Variants in TEC observed in about 807,000 individuals in gnomAD.
TEC encodes the protein tyrosine-protein kinase Tec.
In TEC, 72 loss-of-function variants were observed where a neutral mutation model predicts 93.0. The observed-to-expected ratio is 0.77, with a 90% CI of 0.64 to 0.94. The LOEUF (loss-of-function observed/expected upper bound fraction) is 0.94. Ranked by LOEUF, TEC falls within the 40% of genes least tolerant of loss-of-function variation. The pLI is 0.00. For synonymous variants in TEC, 249 were observed against 247.7 expected, an observed-to-expected ratio of 1.01 and a Z score of -0.05; for missense variants, 630 against 757.9, an observed-to-expected ratio of 0.83 and a Z score of 1.98.
intron 6 of TEC, among the ~76,000 whole-genome samples, 156 bp downstream of exon 6, chr4:48,168,430 A>G (rs1425983966): frequency 6.6e-6 from 1 of 152,236 alleles, no homozygotes; most frequent in African/African-American, 2.4e-5. Context: ...AATTGAAATA[A>G]GCTACAGCAC....
chr4:48,156,731 C>A lies in TEC; in HGVS notation c.741G>T (p.Trp247Cys). The A allele has an allele frequency of 6.2e-7, 1 of 1,607,496 alleles. No homozygotes were observed. Among genetic ancestry groups the A allele is most frequent in the Non-Finnish European group, 8.5e-7 (1 of 1,177,908 alleles). ...TGCTTCTATTCATATTTCTGCAATA[C>A]CATCTGAACAGAAAAAACAATACAT... ...KKSNNLDQYEWYCRNMNRSKA... is the reference protein window; with the variant it reads ...KKSNNLDQYECYCRNMNRSKA... The change falls in exon 9 of 18, where the codon TGG becomes TGT. Residue 247 changes from tryptophan (W) to cysteine (C), a missense_variant. Coordinates refer to ENST00000381501, the MANE Select transcript of TEC (RefSeq NM_003215.3).
chr4:48,137,778 G>A (rs1482445443), intron 17 of TEC, among the ~76,000 whole-genome samples: 1 of 152,160 alleles, frequency 6.6e-6, no homozygotes, highest in African/African-American at 2.4e-5. Context: ...ATTTGTAGGA[G>A]CCTCTATAAT....
intron 2 of TEC, among the ~76,000 whole-genome samples, chr4:48,198,038 G>A (rs1317513687): frequency 1.3e-5 from 2 of 152,110 alleles, no homozygotes; most frequent in Non-Finnish European, 2.9e-5. Context: ...CATGCAACCC[G>A]GAGATGGAGG....
chr4:48,262,558 A>G (rs1373229142), intron 1 of TEC, among the ~76,000 whole-genome samples: 1 of 152,092 alleles, frequency 6.6e-6, no homozygotes, highest in South Asian at 2.1e-4. Context: ...CATTCAGTAT[A>G]TTAAGTACTT....
At chr4:48,231,384 T>G (rs761472495) in intron 1 of TEC, among the ~76,000 whole-genome samples, 1 of 152,248 alleles carries the variant, frequency 6.6e-6, no homozygotes, top group East Asian at 1.9e-4. Context: ...TAAGAAACTG[T>G]CAGAATGCAA....
intron 9 of TEC, among the ~76,000 whole-genome samples, chr4:48,155,579 G>A (rs976374200): frequency 6.6e-6 from 1 of 152,180 alleles, no homozygotes; most frequent in African/African-American, 2.4e-5. Flanking sequence ...TGCTGTTTCA[G>A]GTGATGTCAG....
chr4:48,186,674 C>T (rs7674657), intron 2 of TEC, among the ~76,000 whole-genome samples: 58,604 of 146,802 alleles, frequency 0.4, 11,216 homozygotes, highest in Middle Eastern at 0.49. Context: ...TCCCCGTCTG[C>T]GAAGTGAGGA....
intron 2 of TEC, among the ~76,000 whole-genome samples, chr4:48,209,287 G>A (rs1349194633): frequency 6.6e-6 from 1 of 152,036 alleles, no homozygotes; most frequent in Admixed American, 6.6e-5. Context: ...ATGTCTCTAT[G>A]TAACAGTCAG....
intron 1 of TEC, among the ~76,000 whole-genome samples, chr4:48,242,310 C>T (rs1372688585): frequency 6.6e-6 from 1 of 152,200 alleles, no homozygotes; most frequent in African/African-American, 2.4e-5. Context: ...ACACAAGCCA[C>T]ACAAAATAAA....
rs560120605 is a variant in TEC, at chr4:48,137,176, C to T, written c.*240G>A. 2.0e-6 allele frequency: 1 copy of T among 509,944 alleles called. No individual in the cohort carries two copies. The highest frequency in any genetic ancestry group is 3.5e-6 in the Non-Finnish European group (1 of 286,498). The allele number at this position is 509,944 out of a possible 1,614,324, so 31.6% of individuals were successfully genotyped here. ...TGGTAAACAACTGTCACTCAAGTGC[C>T]TGAGGAATGAATAGAAATGAGTGAT... On this transcript the variant is annotated 3_prime_UTR_variant, in exon 18 of 18. Coordinates refer to ENST00000381501, the MANE Select transcript of TEC (RefSeq NM_003215.3).
chr4:48,226,480 C>T (rs1397022465), intron 2 of TEC, among the ~76,000 whole-genome samples: 4 of 152,128 alleles, frequency 2.6e-5, no homozygotes, highest in African/African-American at 9.7e-5. Flanking sequence ...GCCTACTCAA[C>T]GTGAAGATGG....
intron 1 of TEC, among the ~76,000 whole-genome samples, chr4:48,258,211 G>A (rs1724395934): frequency 6.8e-6 from 1 of 147,042 alleles, no homozygotes; most frequent in African/African-American, 2.5e-5. Context: ...GCACAATCTC[G>A]GCTCACTGCA....
intron 11 of TEC, among the ~76,000 whole-genome samples, chr4:48,147,600 G>T (rs1454017710): frequency 6.6e-6 from 1 of 152,140 alleles, no homozygotes; most frequent in Non-Finnish European, 1.5e-5. Context: ...ATAAGTAGAT[G>T]AAGCATGACT....
chr4:48,225,458 T>G (rs1238431587), intron 2 of TEC, among the ~76,000 whole-genome samples: 1 of 152,210 alleles, frequency 6.6e-6, no homozygotes, highest in Non-Finnish European at 1.5e-5. Context: ...ATTACAGGCA[T>G]GAGCCACCAC....
In TEC at chr4:48,168,627, C is replaced by T; in HGVS notation, c.455-1G>A. 6.2e-7 allele frequency: 1 copy of T among 1,600,844 alleles called. No individual in the cohort carries two copies. Among genetic ancestry groups the T allele is most frequent in the Non-Finnish European group, 8.5e-7 (1 of 1,177,048 alleles). On this transcript the variant is annotated splice_acceptor_variant, in intron 5 of 17. Transcript: ENST00000381501. LOFTEE classifies it high-confidence loss of function. Reference sequence around the variant, plus strand: ...GCTGGAGGTAGTGCTTTTCTTATACCTGAAAATGCCAACAACAAAAACAGA... The same window carrying T: ...GCTGGAGGTAGTGCTTTTCTTATACTTGAAAATGCCAACAACAAAAACAGA...
At chr4:48,153,904 G>C (rs557697809) in intron 9 of TEC, among the ~76,000 whole-genome samples, 1 of 152,310 alleles carries the variant, frequency 6.6e-6, no homozygotes, top group Non-Finnish European at 1.5e-5. Flanking sequence ...CCTAATGAAG[G>C]AAATTTACCA....
intron 2 of TEC, among the ~76,000 whole-genome samples, chr4:48,186,853 TGGG>T (rs534004218): frequency 6.7e-6 from 1 of 148,866 alleles, no homozygotes; most frequent in African/African-American, 2.5e-5. Flanking sequence ...GTCTGGGAGG[TGGG>T]GGGCGCCTCT....
At chr4:48,202,835 T>C (rs1722576441) in intron 2 of TEC, among the ~76,000 whole-genome samples, 1 of 152,218 alleles carries the variant, frequency 6.6e-6, no homozygotes. Flanking sequence ...ACTGACTGTC[T>C]GACATCAGAA....
At chr4:48,155,101 TAG>T (rs1271021256) in intron 9 of TEC, among the ~76,000 whole-genome samples, 1 of 152,126 alleles carries the variant, frequency 6.6e-6, no homozygotes, top group Non-Finnish European at 1.5e-5. Flanking sequence ...AAGAAGTTCC[TAG>T]GACTAAAACA....
Sources: allele counts gnomAD v4.1 joint callset (sites outside exome capture counted in the v4.1 genomes callset), GRCh38; gene constraint gnomAD v4.1.1; transcripts MANE v1.5; gene names NCBI Gene and HGNC (gene_info 2026-07-23, HGNC 2026-07-21).